SYTL4: variants seen among roughly 807,000 people sequenced by gnomAD.
SYTL4 encodes the protein synaptotagmin-like protein 4.
A neutral mutation model predicts 52.7 loss-of-function variants in SYTL4; 16 were observed. That is an observed-to-expected ratio of 0.30 (90% CI 0.21 to 0.46). SYTL4 has a LOEUF of 0.46. Ranked by LOEUF, SYTL4 falls within the 20% of genes least tolerant of loss-of-function variation. The pLI is 1.00. For synonymous variants in SYTL4, 160 were observed against 186.6 expected, an observed-to-expected ratio of 0.86 and a Z score of 1.16; for missense variants, 423 against 519.9, an observed-to-expected ratio of 0.81 and a Z score of 1.81.
At chrX:100,682,136 G>C (rs974503007) in intron 16 of SYTL4, among the ~76,000 whole-genome samples, 70 of 111,271 alleles carry the variant, frequency 6.3e-4, no homozygotes, top group African/African-American at 2.2e-3. Flanking sequence ...AATTGGCAGA[G>C]CTAGGATTCA....
At chrX:100,700,761 C>T in intron 8 of SYTL4, 136 bp downstream of exon 8, 2 of 500,487 alleles carry the variant, frequency 4.0e-6, no homozygotes, top group South Asian at 3.5e-5. Context: ...TTTTTCCCTC[C>T]TTTACTATTT....
intron 2 of SYTL4, among the ~76,000 whole-genome samples, chrX:100,709,586 C>T (rs1221315492): frequency 8.9e-6 from 1 of 112,061 alleles, no homozygotes. Context: ...AGCTGTGTGA[C>T]CTTGGGTAAG....
chrX:100,683,687 T>C (rs2083424222), intron 16 of SYTL4, among the ~76,000 whole-genome samples: 2 of 112,333 alleles, frequency 1.8e-5, no homozygotes, highest in South Asian at 3.7e-4. Context: ...AATCGATATA[T>C]AATATGGGAA....
chrX:100,701,023 C>G, intron 7 of SYTL4, 24 bp from the exon 8 acceptor site: 1 of 1,147,716 alleles, frequency 8.7e-7, no homozygotes, highest in East Asian at 3.0e-5. Context: ...AAAAGTATGC[C>G]AGGGTGGTGG....
chrX:100,715,010 CTTT>C (rs907219149), intron 2 of SYTL4, among the ~76,000 whole-genome samples: 1 of 111,495 alleles, frequency 9.0e-6, no homozygotes, highest in Non-Finnish European at 1.9e-5. Flanking sequence ...TCTCATCCTT[CTTT>C]ATTTCCATTT....
intron 16 of SYTL4, 88 bp downstream of exon 16, chrX:100,685,902 C>T (rs1255654732): frequency 3.1e-6 from 3 of 962,987 alleles, no homozygotes; most frequent in South Asian, 6.1e-5. Context: ...AGACTACATT[C>T]AAAGACGCTA....
intron 2 of SYTL4, among the ~76,000 whole-genome samples, chrX:100,726,249 T>C (rs1301973828): frequency 9.0e-6 from 1 of 110,957 alleles, no homozygotes; most frequent in Non-Finnish European, 1.9e-5. Context: ...TTTCCAGTTT[T>C]ATGGAGGTAT....
rs140777713 is a variant in SYTL4 at position 100,698,868 on chromosome X, A to G, written c.539+2029T>C. On this transcript the variant is annotated intron_variant, in intron 8 of 19. Coordinates refer to ENST00000372989, the MANE Select transcript of SYTL4 (RefSeq NM_001370165.1). ...TAAAACAAACAGATGGTTTATGGTT[A>G]TATAAGAGAATGTAAATATTATAAA... Among the ~76,000 whole-genome samples the G allele has an allele frequency of 9.4e-3, 1,053 of 112,408 alleles. 16 individuals carry two copies. Among genetic ancestry groups the G allele is most frequent in the African/African-American group, 0.032 (993 of 30,973 alleles).
chrX:100,714,117 T>C (rs2084137782), intron 2 of SYTL4, among the ~76,000 whole-genome samples: 1 of 111,851 alleles, frequency 8.9e-6, no homozygotes, highest in Non-Finnish European at 1.9e-5. Context: ...AATTTGTCTA[T>C]TGTAGTTCAA....
intron 8 of SYTL4, 36 bp from the exon 9 acceptor site, chrX:100,691,245 G>T: frequency 1.9e-6 from 2 of 1,073,419 alleles, no homozygotes; most frequent in Non-Finnish European, 1.3e-6. Flanking sequence ...TTGAAAGGAA[G>T]CAGGTTCTCC....
intron 2 of SYTL4, among the ~76,000 whole-genome samples, chrX:100,722,358 C>A (rs2084359745): frequency 9.0e-6 from 1 of 111,510 alleles, no homozygotes; most frequent in African/African-American, 3.3e-5. Context: ...CTCTCCTGTT[C>A]TCCACAATAA....
chrX:100,723,382 G>A (rs950351025), intron 2 of SYTL4, among the ~76,000 whole-genome samples: 1 of 112,462 alleles, frequency 8.9e-6, no homozygotes, highest in East Asian at 2.8e-4. Flanking sequence ...TTGGCTTCCC[G>A]AGGTGCTGGG....
rs2083835745 is a variant in SYTL4 at position 100,700,903 on chromosome X, T to G, written c.533A>C (p.Glu178Ala). ...ACAATTACTTGATTCTTACCTGGGC[T>G]CCTTCTGCCGCTCCTGAATGATCTT... ...GRKIIQERQK[E>A]PSVLFEVPKL... Residue 178 changes from glutamate (E) to alanine (A), a missense_variant, in exon 8 of 20, where the codon GAG (glutamate) becomes GCG (alanine). By Grantham distance (107) the Glu-to-Ala change is moderately radical. Transcript: ENST00000372989. 5.0e-6 allele frequency: 6 copies of G among 1,204,264 alleles called. No individual in the cohort carries two copies. Among genetic ancestry groups the G allele is most frequent in the Non-Finnish European group, 6.7e-6 (6 of 889,228 alleles).
rs142643452 is a variant in SYTL4 at position 100,686,716 on chromosome X, C to T, written c.1250G>A (p.Arg417Gln). 8.3e-6 allele frequency: 10 copies of T among 1,208,727 alleles called. No homozygotes were observed. In the East Asian group the frequency reaches 8.9e-5, roughly 11 times the overall value. ...ATCATATAGTGGATTAATAGTGTCC[C>T]GCTTGATGCTGGTTTTTCTTTTTCC... ...RQGKRKTSIK[R>Q]DTINPLYDET... is the part of the protein sequence containing the mutation. Residue 417 changes from arginine (R) to glutamine (Q), a missense_variant, in exon 15 of 20, where the codon CGG becomes CAG. Arg to Gln is a conservative substitution (Grantham distance 43, BLOSUM62 1). Transcript: ENST00000372989.
intron 2 of SYTL4, among the ~76,000 whole-genome samples, chrX:100,724,319 A>T (rs1160176894): frequency 2.1e-5 from 2 of 96,896 alleles, no homozygotes; most frequent in South Asian, 5.4e-4. Context: ...GGCCGCCCCT[A>T]CTGGGAAGTG....
Position 100,679,313 on chromosome X carries a change from C to T in SYTL4, c.1658G>A (p.Gly553Glu). 8.3e-7 allele frequency: 1 copy of T among 1,203,209 alleles called. No homozygotes were observed. Among genetic ancestry groups the T allele is most frequent in the Non-Finnish European group, 1.1e-6 (1 of 888,167 alleles). ...AGGTSDSFVK[G>E]YLLPMRNKAS... is the part of the protein sequence containing the mutation. ...ATTTGGGGCTGGTCTAGGGACTCAC[C>T]CCTTGACAAAGCTGTCTGAAGTCCC... Residue 553 changes from glycine (G) to glutamate (E), a missense_variant and splice_region_variant, in exon 18 of 20, where the codon GGA (glycine) becomes GAA (glutamate). Transcript: ENST00000372989.
chrX:100,704,438 C>A (rs1323006049), intron 3 of SYTL4, among the ~76,000 whole-genome samples: 1 of 112,412 alleles, frequency 8.9e-6, no homozygotes, highest in African/African-American at 3.2e-5. Flanking sequence ...CAAGAAAAAA[C>A]AGAATAGGTT....
At chrX:100,683,968 A>G (rs2083429675) in intron 16 of SYTL4, among the ~76,000 whole-genome samples, 1 of 111,711 alleles carries the variant, frequency 9.0e-6, no homozygotes, top group African/African-American at 3.3e-5. Context: ...TTTCCAATAT[A>G]ATTATATTGA....
Position 100,702,107 on chromosome X carries a change from C to CCTTTTGGGGGCAACT in SYTL4, c.-70-1_-70insAGTTGCCCCCAAAAG, listed in dbSNP as rs2083866753. The CCTTTTGGGGGCAACT allele has an allele frequency of 1.3e-6, 1 of 772,488 alleles. No homozygotes were observed. Among genetic ancestry groups the CCTTTTGGGGGCAACT allele is most frequent in the Admixed American group, 2.9e-5 (1 of 34,475 alleles). The allele number at this position is 772,488 out of a possible 1,213,427, so 63.7% of individuals were successfully genotyped here. A position where few individuals can be genotyped will look rare whatever the true frequency, so the allele number is the denominator to read the frequency against. On this transcript the variant is annotated splice_region_variant and 5_prime_UTR_variant. Transcript: ENST00000372989. ...CAGACAAGGAGAGCTACCAGAGTTG[C>CCTTTTGGGGGCAACT]CTGAAATGACAAAAGAACTAATTTC...
Sources: allele counts gnomAD v4.1 joint callset (sites outside exome capture counted in the v4.1 genomes callset), GRCh38; gene constraint gnomAD v4.1.1; transcripts MANE v1.5; gene names NCBI Gene and HGNC (gene_info 2026-07-23, HGNC 2026-07-21).